Variants in GRID2 observed in about 807,000 individuals in gnomAD.
GRID2 encodes the protein glutamate ionotropic receptor delta type subunit 2, also known as glutamate receptor ionotropic, delta-2.
Under a neutral mutation model 114.8 loss-of-function variants are expected in GRID2, and 33 were observed. The observed-to-expected ratio is 0.29, with a 90% CI of 0.22 to 0.38. GRID2 has a LOEUF of 0.38. Among genes scored for constraint, GRID2 ranks in the 10% least tolerant of loss-of-function variants. The pLI, the probability that GRID2 is intolerant of heterozygous loss-of-function variation, is 1.00. For synonymous variants in GRID2, 505 were observed against 449.9 expected, an observed-to-expected ratio of 1.12 and a Z score of -1.55; for missense variants, 1,184 against 1,257.7, an observed-to-expected ratio of 0.94 and a Z score of 0.89.
chr4:92,700,130 C>T (rs959891710), intron 2 of GRID2, among the ~76,000 whole-genome samples: 6 of 152,082 alleles, frequency 3.9e-5, no homozygotes, highest in African/African-American at 1.4e-4. Context: ...ATCCACAAAT[C>T]GAAACTCAGC....
rs573167772 is a variant in GRID2, at chr4:93,769,285, C to G, written c.2436C>G (p.Asp812Glu). 5.3e-5 allele frequency: 85 copies of G among 1,614,018 alleles called. 1 individual carries two copies. In the South Asian group the frequency reaches 8.9e-4, roughly 17 times the overall value. Residue 812 changes from aspartate (D) to glutamate (E), a missense_variant, in exon 15 of 16, where the codon GAC becomes GAG. Coordinates refer to ENST00000282020, the MANE Select transcript of GRID2 (RefSeq NM_001510.4). The stretch of plus-strand genomic sequence containing the variant: ...GGTGGCCTAAGAATGGCCAGTGTGA[C>G]CTGTACTCGTCAGTGGACACAAAGC... ...HKWWPKNGQC[D>E]LYSSVDTKQK...
intron 13 of GRID2, among the ~76,000 whole-genome samples, chr4:93,517,318 A>AT (rs1418591302): frequency 1.3e-5 from 2 of 152,092 alleles, no homozygotes; most frequent in African/African-American, 4.8e-5. Context: ...AGAAACAATA[A>AT]AAGAGGTAGA....
intron 2 of GRID2, among the ~76,000 whole-genome samples, chr4:93,005,576 G>T (rs906762998): frequency 2.6e-5 from 4 of 151,896 alleles, no homozygotes; most frequent in African/African-American, 7.2e-5. Context: ...TTGAAAACAG[G>T]TATGCAAATA....
intron 14 of GRID2, among the ~76,000 whole-genome samples, chr4:93,698,276 A>G (rs1051365125): frequency 6.6e-6 from 1 of 152,070 alleles, no homozygotes; most frequent in Non-Finnish European, 1.5e-5. Flanking sequence ...CTAAATTAGT[A>G]CATGTAGCTA....
At chr4:92,805,897 C>G (rs891611760) in intron 2 of GRID2, among the ~76,000 whole-genome samples, 22 of 151,712 alleles carry the variant, frequency 1.5e-4, no homozygotes, top group Non-Finnish European at 2.9e-4. Context: ...CAGATTATCT[C>G]TTTGATTTCC....
At chr4:92,325,356 C>T (rs1168529319) in intron 1 of GRID2, among the ~76,000 whole-genome samples, 3 of 151,756 alleles carry the variant, frequency 2.0e-5, no homozygotes, top group Admixed American at 1.3e-4. Flanking sequence ...AAGTGACTGG[C>T]CCACAATGAA....
chr4:93,389,767 T>A (rs1235819461), intron 8 of GRID2, among the ~76,000 whole-genome samples: 1 of 152,046 alleles, frequency 6.6e-6, no homozygotes, highest in Non-Finnish European at 1.5e-5. Flanking sequence ...GCATTCCCTG[T>A]GTGTTGAAGC....
At chr4:93,598,028 T>C (rs1739273304) in intron 13 of GRID2, among the ~76,000 whole-genome samples, 1 of 152,224 alleles carries the variant, frequency 6.6e-6, no homozygotes, top group South Asian at 2.1e-4. Flanking sequence ...ACTAAAAATA[T>C]AGACAGTTTG....
At chr4:93,656,867 C>G (rs926706531) in intron 14 of GRID2, among the ~76,000 whole-genome samples, 2 of 143,034 alleles carry the variant, frequency 1.4e-5, no homozygotes, top group African/African-American at 5.1e-5. Context: ...ACAAATAATT[C>G]CAGCTGTCAT....
At chr4:92,476,112 G>T (rs530434504) in intron 1 of GRID2, among the ~76,000 whole-genome samples, 85 of 143,732 alleles carry the variant, frequency 5.9e-4, no homozygotes, top group Admixed American at 1.3e-3. Flanking sequence ...TGCAAGCTCC[G>T]CCTCCCGTGT....
At chr4:93,468,348 C>T (rs1378830706) in intron 11 of GRID2, among the ~76,000 whole-genome samples, 1 of 151,230 alleles carries the variant, frequency 6.6e-6, no homozygotes, top group African/African-American at 2.4e-5. Flanking sequence ...TAGAGGGAGA[C>T]TGGCAACAAA....
intron 2 of GRID2, among the ~76,000 whole-genome samples, chr4:92,817,148 T>C (rs779903918): frequency 6.6e-6 from 1 of 152,166 alleles, no homozygotes; most frequent in African/African-American, 2.4e-5. Context: ...ATCTGTCTTT[T>C]AAAATTCAAT....
rs1300309061 is a variant in GRID2, at chr4:93,774,502, A to G, written c.*2004A>G. The G allele has an allele frequency of 6.6e-6, 1 of 152,156 alleles. No individual in the cohort carries two copies. The highest frequency in any genetic ancestry group is 1.9e-4 in the East Asian group (1 of 5,196). The allele number at this position is 152,156 out of a possible 1,614,324, so 9.4% of individuals were successfully genotyped here. On this transcript the variant is annotated 3_prime_UTR_variant, in exon 16 of 16. Coordinates refer to ENST00000282020, the MANE Select transcript of GRID2 (RefSeq NM_001510.4). ...TGGAGGCCTCAGTTATGAGTGACAG[A>G]GCTTTCTGTGTATAATTTGTCTAAA... is the stretch of plus-strand genomic sequence containing the variant.
intron 2 of GRID2, among the ~76,000 whole-genome samples, chr4:92,677,019 A>G (rs1733408995): frequency 6.6e-6 from 1 of 152,240 alleles, no homozygotes; most frequent in Non-Finnish European, 1.5e-5. Context: ...AAAAAATCAC[A>G]GAAAGACAAA....
At chr4:92,675,189 C>G (rs1030098212) in intron 2 of GRID2, among the ~76,000 whole-genome samples, 2 of 152,114 alleles carry the variant, frequency 1.3e-5, no homozygotes, top group Non-Finnish European at 2.9e-5. Context: ...TGTGGCACTT[C>G]TAGGGTCTGA....
At position 92,468,473 on chromosome 4, in the gene GRID2, C is replaced by T. The variant is rs539877156; in HGVS notation, c.89-121658C>T. ...ACTTGGTGGCATCCTTAATTTGGAG[C>T]CAAGCACTTATTTAAACAAACACTT... On this transcript the variant is annotated intron_variant, in intron 1 of 15. Coordinates refer to ENST00000282020, the MANE Select transcript of GRID2 (RefSeq NM_001510.4). 1.1e-3 allele frequency among the ~76,000 whole-genome samples: 167 copies of T among 151,934 alleles called. 1 individual carries two copies. The highest frequency in any genetic ancestry group is 6.9e-3 in the South Asian group (33 of 4,808).
downstream of GRID2, chr4:93,774,605 ACT>A (rs1734317077): frequency 2.6e-5 from 4 of 152,260 alleles, no homozygotes; most frequent in Admixed American, 2.6e-4. Context: ...GAAAATGTTT[ACT>A]CTCTCACAGA....
chr4:93,085,460 TTTTGGTATAAAGTCAAC>T (rs1034673819), intron 3 of GRID2, among the ~76,000 whole-genome samples, 181 bp downstream of exon 3: 1 of 152,192 alleles, frequency 6.6e-6, no homozygotes, highest in Non-Finnish European at 1.5e-5. Flanking sequence ...AAGTCCAACA[TTTTGGTATAAAGTCAAC>T]TTTAAATATA....
At chr4:93,573,989 A>T (rs1244766983) in intron 13 of GRID2, among the ~76,000 whole-genome samples, 1 of 152,192 alleles carries the variant, frequency 6.6e-6, no homozygotes, top group Non-Finnish European at 1.5e-5. Context: ...ATGGGCAATA[A>T]TTGAAGGGTA....
Sources: allele counts gnomAD v4.1 joint callset (sites outside exome capture counted in the v4.1 genomes callset), GRCh38; gene constraint gnomAD v4.1.1; transcripts MANE v1.5; gene names NCBI Gene and HGNC (gene_info 2026-07-23, HGNC 2026-07-21).